GPRC5A: variants seen among roughly 807,000 people sequenced by gnomAD.
GPRC5A encodes G protein-coupled receptor class C group 5 member A, also known as retinoic acid-induced protein 3.
GPRC5A carries 19 observed loss-of-function variants against 22.5 expected under a neutral mutation model. The ratio of observed to expected loss-of-function variants is 0.85; its 90% CI spans 0.59 to 1.24. GPRC5A has a LOEUF of 1.24. Among genes scored for constraint, GPRC5A ranks in the 50% most tolerant of loss-of-function variants. The probability of loss-of-function intolerance (pLI) is 0.00; values close to 1 mark genes in which losing one functional copy is unlikely to be tolerated. For synonymous variants in GPRC5A, 192 were observed against 184.5 expected (o/e 1.04, Z -0.33); for missense variants, 471 against 451.1 (o/e 1.04, Z -0.40).
chr12:12,894,932 C>T (rs780600623), intron 1 of GPRC5A, among the ~76,000 whole-genome samples: 13 of 151,924 alleles, frequency 8.6e-5, no homozygotes, highest in Non-Finnish European at 1.6e-4. Context: ...GTGCCCGCCA[C>T]CATGCCCGGC....
intron 1 of GPRC5A, among the ~76,000 whole-genome samples, chr12:12,902,429 G>A (rs1437856321): frequency 6.6e-6 from 1 of 151,858 alleles, no homozygotes; most frequent in Non-Finnish European, 1.5e-5. Context: ...ATTCTTGTTA[G>A]TTATTAAAGT....
chr12:12,893,696 C>A (rs868342035), intron 1 of GPRC5A, among the ~76,000 whole-genome samples: 2 of 152,114 alleles, frequency 1.3e-5, no homozygotes, highest in Middle Eastern at 3.2e-3. Context: ...GTCCATGGAC[C>A]AAATATGGCC....
chr12:12,906,774 G>C (rs1013116261), intron 1 of GPRC5A, among the ~76,000 whole-genome samples: 7 of 151,906 alleles, frequency 4.6e-5, no homozygotes, highest in African/African-American at 1.7e-4. Context: ...TAAGGAGGAG[G>C]CCGGGCACGG....
At chr12:12,906,669 G>A (rs901287344) in intron 1 of GPRC5A, among the ~76,000 whole-genome samples, 18 of 152,320 alleles carry the variant, frequency 1.2e-4, no homozygotes, top group African/African-American at 2.9e-4. Context: ...CATCCAGGAC[G>A]TTCCTCTTTA....
rs1864051814 is a variant in GPRC5A at position 12,915,231 on chromosome 12, G to C, written c.*2692G>C. The C allele has an allele frequency of 6.6e-6, 1 of 152,168 alleles. No homozygotes were observed. The highest frequency in any genetic ancestry group is 1.5e-5 in the Non-Finnish European group (1 of 68,066). The allele number at this position is 152,168 out of a possible 1,614,324, so 9.4% of individuals were successfully genotyped here. On this transcript the variant is annotated 3_prime_UTR_variant, in exon 4 of 4. Coordinates refer to ENST00000014914, the MANE Select transcript of GPRC5A (RefSeq NM_003979.4). The stretch of plus-strand genomic sequence containing the variant: ...CACATGTGGTTTGAGGGAGGATAGA[G>C]AGGACAGGGTGTCAAGAACAGCATT...
chr12:12,917,643 T>G lies in GPRC5A; in HGVS notation c.*5104T>G, dbSNP rs967303867. On this transcript the variant is annotated 3_prime_UTR_variant, in exon 4 of 4. Transcript: ENST00000014914. ...CTGGTCATCTCCTCTCCCTTCTGCG[T>G]GTAAGCCATGGGAAAGGGATGAGGG... The G allele has an allele frequency of 6.6e-6, 1 of 152,226 alleles. No individual in the cohort carries two copies. Among genetic ancestry groups the G allele is most frequent in the Non-Finnish European group, 1.5e-5 (1 of 68,042 alleles). The allele number at this position is 152,226 out of a possible 1,614,324, so 9.4% of individuals were successfully genotyped here. A position where few individuals can be genotyped will look rare whatever the true frequency, so the allele number is the denominator to read the frequency against.
At chr12:12,899,852 A>G (rs1863863474) in intron 1 of GPRC5A, among the ~76,000 whole-genome samples, 1 of 152,224 alleles carries the variant, frequency 6.6e-6, no homozygotes, top group South Asian at 2.1e-4. Flanking sequence ...GAGAAATCTC[A>G]TAGGAAGGAA....
rs1592354281 is a variant in GPRC5A at position 12,915,711 on chromosome 12, C to T, written c.*3172C>T. ...TTCACTATATGGGCCAGGCAGATCTCGAACTCCAAACCTCGTGATCCACCT... is the reference window on the plus strand; with the variant it reads ...TTCACTATATGGGCCAGGCAGATCTTGAACTCCAAACCTCGTGATCCACCT... On this transcript the variant is annotated 3_prime_UTR_variant, in exon 4 of 4. Transcript: ENST00000014914. 6.6e-6 allele frequency: 2 copies of T among 301,958 alleles called. No homozygotes were observed. The highest frequency in any genetic ancestry group is 5.1e-5 in the South Asian group (2 of 38,976). 18.7% of individuals were successfully genotyped at this position (301,958 alleles called of 1,614,324 possible).
chr12:12,911,645 C>T (rs963955511), intron 2 of GPRC5A, among the ~76,000 whole-genome samples: 13 of 152,026 alleles, frequency 8.6e-5, no homozygotes, highest in Admixed American at 1.3e-4. Flanking sequence ...CCCGCCACCA[C>T]GCCTGGCTAA....
chr12:12,891,585 C>G lies in GPRC5A; in HGVS notation c.-87C>G, dbSNP rs1421127869. The G allele has an allele frequency of 6.6e-6, 1 of 152,284 alleles. No homozygotes were observed. Among genetic ancestry groups the G allele is most frequent in the African/African-American group, 2.4e-5 (1 of 41,460 alleles). The allele number at this position is 152,284 out of a possible 1,614,324, so 9.4% of individuals were successfully genotyped here. A position where few individuals can be genotyped will look rare whatever the true frequency, so the allele number is the denominator to read the frequency against. The stretch of plus-strand genomic sequence containing the variant: ...GCGGGATAGCTGTCCAAGGTCTCCC[C>G]CAGCACTGAGGAGCTCGCCTGCTGC... On this transcript the variant is annotated 5_prime_UTR_variant, in exon 1 of 4. Transcript: ENST00000014914.
rs755181301 is a variant in GPRC5A, at chr12:12,909,149, C to T, written c.900C>T (p.Tyr300=). ...GCTATGGTGTGGAGAACAGAGCCTA[C>T]TCTCAAGAGGAAATCACTCAAGGTA... ...KKSYGVENRA[Y]SQEEITQGFE... The change falls in exon 2 of 4, where the codon TAC becomes TAT. Residue 300 remains tyrosine (Y), a synonymous_variant. Coordinates refer to ENST00000014914, the MANE Select transcript of GPRC5A (RefSeq NM_003979.4). The T allele has an allele frequency of 6.3e-7, 1 of 1,592,414 alleles. No homozygotes were observed. The highest frequency in any genetic ancestry group is 1.3e-5 in the African/African-American group (1 of 74,842).
chr12:12,908,229 T>C lies in GPRC5A; in HGVS notation c.-7-14T>C, dbSNP rs1168266680. On this transcript the variant is annotated splice_polypyrimidine_tract_variant and intron_variant, in intron 1 of 3. Transcript: ENST00000014914. The stretch of plus-strand genomic sequence containing the variant: ...TCAATACCTTCTCCCCACTCCAACA[T>C]TCCTTTTCTGCAGGTCCAGAATGGC... The C allele has an allele frequency of 2.0e-6, 3 of 1,515,330 alleles. No homozygotes were observed. Among genetic ancestry groups the C allele is most frequent in the African/African-American group, 1.4e-5 (1 of 72,460 alleles). The allele number at this position is 1,515,330 out of a possible 1,614,324, so 93.9% of individuals were successfully genotyped here. A position where few individuals can be genotyped will look rare whatever the true frequency, so the allele number is the denominator to read the frequency against.
At chr12:12,909,937 T>TAAAAA (rs1158941504) in intron 2 of GPRC5A, 19 of 95,340 alleles carry the variant, frequency 2.0e-4, no homozygotes, top group Non-Finnish European at 2.8e-4. Context: ...CATCTCTATT[T>TAAAAA]AAAAAAAAAA....
intron 1 of GPRC5A, among the ~76,000 whole-genome samples, chr12:12,901,520 C>G (rs1027400584): frequency 2.6e-4 from 40 of 152,090 alleles, no homozygotes; most frequent in African/African-American, 8.2e-4. Flanking sequence ...ACCCCACACA[C>G]CGAGCGCCAT....
chr12:12,908,499 G>A lies in GPRC5A; in HGVS notation c.250G>A (p.Ala84Thr), dbSNP rs1256767857. 1.2e-5 allele frequency: 20 copies of A among 1,613,900 alleles called. No individual in the cohort carries two copies. The highest frequency in any genetic ancestry group is 1.5e-5 in the Non-Finnish European group (18 of 1,180,020). The change falls in exon 2 of 4, where the codon GCC (alanine) becomes ACC (threonine). Residue 84 changes from alanine (A) to threonine (T), a missense_variant. Physicochemically the swap from Ala to Thr is moderately conservative, Grantham distance 58. Coordinates refer to ENST00000014914, the MANE Select transcript of GPRC5A (RefSeq NM_003979.4). ...GVLGIFGLTF[A>T]FIIGLDGSTG... ...GTTGGGCATCTTTGGCCTCACCTTC[G>A]CCTTCATCATCGGACTGGACGGGAG...
At chr12:12,903,971 C>T (rs1002463340) in intron 1 of GPRC5A, among the ~76,000 whole-genome samples, 3 of 152,192 alleles carry the variant, frequency 2.0e-5, no homozygotes, top group African/African-American at 7.2e-5. Context: ...TACTTGTCCA[C>T]AAACAGTAAT....
chr12:12,914,614 C>CTCTCTCTCTTTCTT lies in GPRC5A; in HGVS notation c.*2078_*2079insCTCTCTTTCTTTCT, dbSNP rs1864043538. 8.6e-6 allele frequency: 1 copy of CTCTCTCTCTTTCTT among 116,370 alleles called. No homozygotes were observed. The highest frequency in any genetic ancestry group is 3.3e-5 in the African/African-American group (1 of 30,528). The allele number at this position is 116,370 out of a possible 1,614,324, so 7.2% of individuals were successfully genotyped here. A position where few individuals can be genotyped will look rare whatever the true frequency, so the allele number is the denominator to read the frequency against. On this transcript the variant is annotated 3_prime_UTR_variant, in exon 4 of 4. Coordinates refer to ENST00000014914, the MANE Select transcript of GPRC5A (RefSeq NM_003979.4). The stretch of plus-strand genomic sequence containing the variant: ...TTTCTTTCTCTCTCTCTCTCTCTCT[C>CTCTCTCTCTTTCTT]TCTTTCTTTCTTTCTTTTTGAGATA...
intron 2 of GPRC5A, among the ~76,000 whole-genome samples, chr12:12,911,317 T>G (rs1042246135): frequency 1.3e-5 from 2 of 152,158 alleles, no homozygotes; most frequent in African/African-American, 4.8e-5. Flanking sequence ...TTTCCCCAAA[T>G]ACACAGAAAA....
At chr12:12,899,834 C>T (rs941152019) in intron 1 of GPRC5A, among the ~76,000 whole-genome samples, 88 of 152,272 alleles carry the variant, frequency 5.8e-4, no homozygotes, top group African/African-American at 2.1e-3. Flanking sequence ...CACATTTTGA[C>T]AGAATGAGAG....
Sources: allele counts gnomAD v4.1 joint callset (sites outside exome capture counted in the v4.1 genomes callset), GRCh38; gene constraint gnomAD v4.1.1; transcripts MANE v1.5; gene names NCBI Gene and HGNC (gene_info 2026-07-23, HGNC 2026-07-21).